The following MCTP2 variants were observed in gnomAD, a reference collection of about 807,000 sequenced individuals.
MCTP2 encodes multiple C2 and transmembrane domain containing 2, also known as multiple C2 and transmembrane domain-containing protein 2.
Under a neutral mutation model 111.6 loss-of-function variants are expected in MCTP2, and 132 were observed. The ratio of observed to expected loss-of-function variants is 1.18; its 90% CI spans 1.03 to 1.37. The LOEUF is 1.37. Among genes scored for constraint, MCTP2 ranks in the 40% most tolerant of loss-of-function variants. The pLI is 0.00. For missense variants in MCTP2, 1,183 were observed against 1,067.9 expected (o/e 1.11, Z -1.50); for synonymous variants, 395 against 387.7 (o/e 1.02, Z -0.22).
chr15:94,431,055 C>G (rs550658661), intron 17 of MCTP2, among the ~76,000 whole-genome samples: 12 of 152,260 alleles, frequency 7.9e-5, no homozygotes, highest in African/African-American at 2.9e-4. Flanking sequence ...CATCTTCAAT[C>G]CTCATATACA....
chr15:94,370,279 A>G (rs2079413819), intron 12 of MCTP2, 99 bp downstream of exon 12: 2 of 864,542 alleles, frequency 2.3e-6, no homozygotes, highest in Non-Finnish European at 3.5e-6. Flanking sequence ...AAGTATGACT[A>G]TAACAGTCAT....
At chr15:94,355,717 C>A (rs1464845215) in intron 8 of MCTP2, among the ~76,000 whole-genome samples, 2 of 152,190 alleles carry the variant, frequency 1.3e-5, no homozygotes, top group Non-Finnish European at 2.9e-5. Context: ...AGGATAAATT[C>A]AAAGTCATTA....
chr15:94,385,764 A>G (rs569688928), intron 14 of MCTP2, among the ~76,000 whole-genome samples: 1 of 152,342 alleles, frequency 6.6e-6, no homozygotes, highest in East Asian at 1.9e-4. Context: ...CATTTTGACC[A>G]GTTTTTCAAT....
In MCTP2 at chr15:94,270,695, G is replaced by A. The variant is rs139558493; in HGVS notation, c.-65-27506G>A. ...TATGTGAGAGGCTCTTTGGCTACATGTATCCCCCTGGTGTTCTCCCACACT... is the reference window on the plus strand; with the variant it reads ...TATGTGAGAGGCTCTTTGGCTACATATATCCCCCTGGTGTTCTCCCACACT... On this transcript the variant is annotated intron_variant, in intron 1 of 22. Coordinates refer to ENST00000357742, the MANE Select transcript of MCTP2 (RefSeq NM_001385001.1). Among the ~76,000 whole-genome samples, 375 of 152,224 alleles carry A rather than the reference G, an allele frequency of 2.5e-3. 2 individuals carry two copies. The highest frequency in any genetic ancestry group is 9.0e-3 in the African/African-American group (372 of 41,524).
chr15:94,430,593 A>G (rs1259743658), intron 17 of MCTP2, among the ~76,000 whole-genome samples: 1 of 150,094 alleles, frequency 6.7e-6, no homozygotes, highest in Non-Finnish European at 1.5e-5. Context: ...AAAAAAAAAA[A>G]AAAAATTAGC....
At chr15:94,388,581 A>G (rs2080663680) in intron 14 of MCTP2, among the ~76,000 whole-genome samples, 1 of 152,214 alleles carries the variant, frequency 6.6e-6, no homozygotes, top group Non-Finnish European at 1.5e-5. Context: ...AAATAATTCT[A>G]ACTTGTGATT....
At chr15:94,291,322 G>C (rs749926828) in intron 1 of MCTP2, among the ~76,000 whole-genome samples, 2 of 152,148 alleles carry the variant, frequency 1.3e-5, no homozygotes, top group Non-Finnish European at 2.9e-5. Context: ...TGAAAGTGAG[G>C]CCGGGTGTGG....
intron 7 of MCTP2, chr15:94,341,755 C>G (rs368368312): frequency 6.6e-6 from 1 of 152,070 alleles, no homozygotes; most frequent in Non-Finnish European, 1.5e-5. Context: ...TTTTCAGTTA[C>G]CTTTTCAAAG....
intron 19 of MCTP2, among the ~76,000 whole-genome samples, chr15:94,445,349 C>G (rs1156768078): frequency 2.0e-5 from 3 of 152,046 alleles, no homozygotes; most frequent in African/African-American, 4.8e-5. Context: ...TTTTGCTTTC[C>G]CAATTTTATA....
At chr15:94,443,038 C>G (rs961075582) in intron 19 of MCTP2, 78 bp downstream of exon 19, 2 of 1,012,700 alleles carry the variant, frequency 2.0e-6, no homozygotes, top group African/African-American at 3.7e-5. Context: ...GGTTGAGTCT[C>G]TCTCCTCTCT....
chr15:94,368,190 C>T lies in MCTP2; in HGVS notation c.1488+399C>T, dbSNP rs1276210292. ...TGTTATGGATACCTTTGCAGAACTT[C>T]TTAGGATCAAGTGAGAACCTGCTCA... is the stretch of plus-strand genomic sequence containing the variant. On this transcript the variant is annotated intron_variant, in intron 11 of 22. Coordinates refer to ENST00000357742, the MANE Select transcript of MCTP2 (RefSeq NM_001385001.1). Among the ~76,000 whole-genome samples the T allele has an allele frequency of 6.6e-5, 10 of 152,274 alleles. No homozygotes were observed. In the East Asian group the frequency reaches 1.9e-3, roughly 29 times the overall value.
chr15:94,425,560 AAAAG>A (rs2082843063), intron 17 of MCTP2, among the ~76,000 whole-genome samples: 1 of 152,194 alleles, frequency 6.6e-6, no homozygotes, highest in Non-Finnish European at 1.5e-5. Context: ...GGAGTAAAAA[AAAAG>A]AACAAAAATC....
At chr15:94,478,596 C>T (rs533543060) in intron 22 of MCTP2, among the ~76,000 whole-genome samples, 3 of 152,254 alleles carry the variant, frequency 2.0e-5, no homozygotes, top group Admixed American at 6.5e-5. Context: ...TATTTTTAAA[C>T]GAATAATCCT....
chr15:94,390,132 A>ATATATATATATATG (rs1358369611), intron 14 of MCTP2, among the ~76,000 whole-genome samples: 4 of 90,480 alleles, frequency 4.4e-5, no homozygotes, highest in African/African-American at 7.6e-5. Flanking sequence ...ATATATATAT[A>ATATATATATATATG]CTTAGATGTT....
At chr15:94,310,806 G>A (rs151141004) in intron 2 of MCTP2, among the ~76,000 whole-genome samples, 1 of 151,666 alleles carries the variant, frequency 6.6e-6, no homozygotes, top group African/African-American at 2.4e-5. Flanking sequence ...CAAGTGTGAT[G>A]GTGTGCACTT....
chr15:94,422,285 A>G (rs1235918116), intron 17 of MCTP2, among the ~76,000 whole-genome samples: 1 of 152,148 alleles, frequency 6.6e-6, no homozygotes, highest in Non-Finnish European at 1.5e-5. Flanking sequence ...CAAAAGGGAA[A>G]GGAGAATAGA....
At chr15:94,266,268 T>C (rs528494772) in intron 1 of MCTP2, among the ~76,000 whole-genome samples, 44 of 152,356 alleles carry the variant, frequency 2.9e-4, no homozygotes, top group African/African-American at 9.9e-4. Context: ...CATTTCCTGG[T>C]GCTGCATTAT....
intron 1 of MCTP2, among the ~76,000 whole-genome samples, chr15:94,242,060 C>G (rs1247977867): frequency 6.6e-6 from 1 of 152,092 alleles, no homozygotes; most frequent in African/African-American, 2.4e-5. Context: ...AGCAAGAGTT[C>G]CTGTAGGCCA....
At chr15:94,266,924 A>ACTGTGAC (rs961716083) in intron 1 of MCTP2, among the ~76,000 whole-genome samples, 1 of 152,376 alleles carries the variant, frequency 6.6e-6, no homozygotes, top group East Asian at 1.9e-4. Context: ...TAAGAGTGGC[A>ACTGTGAC]CTGTGACCTG....
Sources: gnomAD v4.1 joint callset for allele counts (sites outside exome capture counted in the v4.1 genomes callset) on GRCh38, gnomAD v4.1.1 for gene constraint, MANE v1.5 for transcripts, NCBI Gene and HGNC (gene_info 2026-07-23, HGNC 2026-07-21) for gene names.